DPH6: variants seen among roughly 807,000 people sequenced by gnomAD.
DPH6 encodes diphthamine biosynthesis 6.
DPH6 carries 33 observed loss-of-function variants against 38.2 expected under a neutral mutation model. The ratio of observed to expected loss-of-function variants is 0.86; its 90% CI spans 0.65 to 1.15. The LOEUF is 1.15. Ranked by LOEUF, DPH6 falls within the 50% of genes most tolerant of loss-of-function variation. The probability of loss-of-function intolerance (pLI) is 0.00; values close to 1 mark genes in which losing one functional copy is unlikely to be tolerated. For missense variants in DPH6, 325 were observed against 320.0 expected (o/e 1.02, Z -0.12); for synonymous variants, 108 against 103.0 (o/e 1.05, Z -0.30).
intron 3 of DPH6, among the ~76,000 whole-genome samples, chr15:35,255,557 A>G (rs1460017654): frequency 1.3e-5 from 2 of 152,026 alleles, no homozygotes; most frequent in Non-Finnish European, 2.9e-5. Flanking sequence ...ATGTTACTTT[A>G]GTTTCAGATG....
At chr15:35,171,988 C>T in the DPH6 span, among the ~76,000 whole-genome samples, 1,815 of 152,174 alleles carry the variant, frequency 0.012, 31 homozygotes, top group African/African-American at 0.042. Context: ...CTTCCTCAGC[C>T]TCCCAAGTAG....
At chr15:35,282,647 T>C (rs944542399) in intron 3 of DPH6, 6 of 419,174 alleles carry the variant, frequency 1.4e-5, no homozygotes, top group African/African-American at 1.0e-4. Context: ...CATTCAGCAT[T>C]ACTACCAGTT....
intron 5 of DPH6, among the ~76,000 whole-genome samples, chr15:35,423,203 C>G (rs1298779219): frequency 3.3e-5 from 5 of 151,678 alleles, no homozygotes; most frequent in African/African-American, 1.2e-4. Flanking sequence ...TCCCTTTTCT[C>G]CAACACTTAT....
chr15:35,313,356 T>C (rs1043164892), intron 3 of DPH6, among the ~76,000 whole-genome samples: 1 of 152,116 alleles, frequency 6.6e-6, no homozygotes, highest in South Asian at 2.1e-4. Context: ...CAGGATTTTT[T>C]TTTTTCTATT....
At chr15:35,404,292 A>G (rs940323165) in intron 6 of DPH6, among the ~76,000 whole-genome samples, 109 of 152,134 alleles carry the variant, frequency 7.2e-4, no homozygotes, top group African/African-American at 2.5e-3. Flanking sequence ...TAGTTTTTTG[A>G]GGAGCCTCCA....
Position 35,324,817 on chromosome 15 carries a change from T to C in DPH6, n.200+48704A>G, listed in dbSNP as rs145328182. ...AATTAATATGGGAAACAAAATAAAA[T>C]TATTATAATTAGTATCAGATAAATT... On this transcript the variant is annotated intron_variant and non_coding_transcript_variant, in intron 3 of 3. Transcript: ENST00000560386. Among the ~76,000 whole-genome samples, 190 of 152,242 alleles carry C rather than the reference T, an allele frequency of 1.2e-3. 1 individual carries two copies. The highest frequency in any genetic ancestry group is 4.5e-3 in the African/African-American group (186 of 41,544).
intron 3 of DPH6, among the ~76,000 whole-genome samples, chr15:35,510,463 A>C (rs2141214434): frequency 6.6e-6 from 1 of 152,296 alleles, no homozygotes; most frequent in Admixed American, 6.5e-5. Context: ...AACTGGAACA[A>C]CTCCTGCATA....
intron 3 of DPH6, among the ~76,000 whole-genome samples, chr15:35,311,469 A>T (rs971791056): frequency 6.6e-6 from 1 of 152,210 alleles, no homozygotes; most frequent in Non-Finnish European, 1.5e-5. Flanking sequence ...TTCAAATATC[A>T]GAGGAATTTG....
At chr15:35,445,552 T>C (rs1322403837) in intron 5 of DPH6, among the ~76,000 whole-genome samples, 1 of 152,050 alleles carries the variant, frequency 6.6e-6, no homozygotes, top group South Asian at 2.1e-4. Flanking sequence ...ATATGAACCA[T>C]GTAGCCTAGA....
chr15:35,263,562 T>G (rs905631371), intron 3 of DPH6, among the ~76,000 whole-genome samples: 6 of 151,304 alleles, frequency 4.0e-5, no homozygotes, highest in African/African-American at 1.5e-4. Flanking sequence ...ACCACGTCAC[T>G]TGTCTAACTT....
At chr15:35,503,045 A>G (rs183110128) in intron 3 of DPH6, among the ~76,000 whole-genome samples, 2 of 151,314 alleles carry the variant, frequency 1.3e-5, no homozygotes, top group Admixed American at 6.6e-5. Context: ...TTGTCCAGAA[A>G]AAAGTCCTTG....
downstream of DPH6, chr15:35,330,690 T>G (rs1458302478): frequency 6.6e-6 from 1 of 152,160 alleles, no homozygotes; most frequent in Admixed American, 6.6e-5. Context: ...GCATAAAGCT[T>G]TAGAATACGT....
chr15:35,322,209 C>T (rs2052246678), intron 3 of DPH6, among the ~76,000 whole-genome samples: 2 of 152,232 alleles, frequency 1.3e-5, no homozygotes, highest in South Asian at 4.1e-4. Context: ...TGACCTCTGG[C>T]CACATGATAT....
intron 3 of DPH6, among the ~76,000 whole-genome samples, chr15:35,353,313 G>A (rs1482351389): frequency 6.6e-6 from 1 of 152,022 alleles, no homozygotes; most frequent in Non-Finnish European, 1.5e-5. Context: ...TTTGGCTTTT[G>A]TTGCCATTGC....
intron 3 of DPH6, among the ~76,000 whole-genome samples, chr15:35,516,298 G>A (rs867046477): frequency 1.3e-5 from 2 of 152,158 alleles, no homozygotes; most frequent in Non-Finnish European, 2.9e-5. Context: ...TTAAATATGA[G>A]CAATGCTCTA....
At chr15:35,179,301 C>T in the DPH6 span, among the ~76,000 whole-genome samples, 1 of 150,880 alleles carries the variant, frequency 6.6e-6, no homozygotes, top group South Asian at 2.1e-4. Flanking sequence ...TTCAATTCAT[C>T]CCCCAAAATT....
At position 35,436,509 on chromosome 15, in the gene DPH6, C is replaced by CAAACAAAAAAA. The variant is rs2053714138; in HGVS notation, c.505+14175_505+14176insTTTTTTTGTTT. 5.6e-5 allele frequency among the ~76,000 whole-genome samples: 6 copies of CAAACAAAAAAA among 107,580 alleles called. No individual in the cohort carries two copies. The South Asian group carries it at 1.3e-3, about 24-fold the overall frequency. The allele number at this position is 107,580 out of a possible 152,430, so 70.6% of individuals were successfully genotyped here. On this transcript the variant is annotated intron_variant, in intron 5 of 8. Coordinates refer to ENST00000256538, the MANE Select transcript of DPH6 (RefSeq NM_080650.4). ...CAAAACAAAACAAAACAAAACAAAA[C>CAAACAAAAAAA]AAAACAAAAAAGGTTCTCTCCCTGT...
At chr15:35,495,353 A>C (rs1016062614) in intron 3 of DPH6, among the ~76,000 whole-genome samples, 7 of 152,198 alleles carry the variant, frequency 4.6e-5, no homozygotes, top group African/African-American at 1.7e-4. Flanking sequence ...CTACAAGTTA[A>C]GAAGAGAGGC....
intron 5 of DPH6, among the ~76,000 whole-genome samples, chr15:35,438,178 T>C (rs1020286036): frequency 6.6e-6 from 1 of 152,232 alleles, no homozygotes; most frequent in African/African-American, 2.4e-5. Context: ...TGGAAAAAGT[T>C]TTTTTCTCAG....
Sources: allele counts gnomAD v4.1 joint callset (sites outside exome capture counted in the v4.1 genomes callset), GRCh38; gene constraint gnomAD v4.1.1; transcripts MANE v1.5; gene names NCBI Gene and HGNC (gene_info 2026-07-23, HGNC 2026-07-21).